Variants in ABCG1 observed in about 807,000 individuals in gnomAD.
ABCG1 encodes the protein ATP-binding cassette sub-family G member 1.
Under a neutral mutation model 69.2 loss-of-function variants are expected in ABCG1, and 29 were observed. The observed-to-expected ratio is 0.42, with a 90% confidence interval of 0.31 to 0.57. ABCG1 has a LOEUF of 0.57. ABCG1 is among the 20% of genes least tolerant of loss of function. The probability of loss-of-function intolerance (pLI) is 0.15; values close to 1 mark genes in which losing one functional copy is unlikely to be tolerated. For missense variants in ABCG1, 718 were observed against 898.1 expected (o/e 0.80, Z 2.56); for synonymous variants, 370 against 374.8 (o/e 0.99, Z 0.15).
chr21:42,200,507 G>A (rs537266394), intron 1 of ABCG1, among the ~76,000 whole-genome samples: 1 of 152,164 alleles, frequency 6.6e-6, no homozygotes, highest in Non-Finnish European at 1.5e-5. Flanking sequence ...ACCAAGGACT[G>A]GTTTCACAGA....
chr21:42,218,059 C>T (rs961144763), upstream of ABCG1, among the ~76,000 whole-genome samples: 5 of 152,078 alleles, frequency 3.3e-5, no homozygotes, highest in African/African-American at 4.8e-5. Context: ...TCGATTTGAG[C>T]GGCTGAATTT....
intron 2 of ABCG1, among the ~76,000 whole-genome samples, chr21:42,247,503 A>G (rs1004560041): frequency 2.6e-5 from 4 of 152,200 alleles, no homozygotes; most frequent in Non-Finnish European, 4.4e-5. Flanking sequence ...ACGGGAGAGT[A>G]TGGTGATGGG....
intron 6 of ABCG1, among the ~76,000 whole-genome samples, chr21:42,284,278 A>T (rs1205281808): frequency 6.6e-6 from 1 of 150,780 alleles, no homozygotes; most frequent in Admixed American, 6.6e-5. Context: ...TGCCCAGATG[A>T]GTGGGGACCC....
At chr21:42,286,633 G>A (rs1256305638) in intron 8 of ABCG1, among the ~76,000 whole-genome samples, 1 of 152,192 alleles carries the variant, frequency 6.6e-6, no homozygotes, top group East Asian at 1.9e-4. Flanking sequence ...TCGCTCACAA[G>A]GAAGAGTAAC....
intron 2 of ABCG1, among the ~76,000 whole-genome samples, chr21:42,237,063 T>C (rs2123577587): frequency 6.6e-6 from 1 of 152,324 alleles, no homozygotes; most frequent in South Asian, 2.1e-4. Flanking sequence ...CCTTCAGTTG[T>C]CATAAATGTG....
At chr21:42,224,616 T>G (rs1328645221) in intron 1 of ABCG1, among the ~76,000 whole-genome samples, 2 of 152,216 alleles carry the variant, frequency 1.3e-5, no homozygotes, top group South Asian at 2.1e-4. Flanking sequence ...TTTGATTTCA[T>G]GAAGGACTTC....
rs191945538 is a variant in ABCG1, at chr21:42,248,925, G to A, written c.287-22145G>A. On this transcript the variant is annotated intron_variant, in intron 2 of 14. Transcript: ENST00000398449. ...CTCAAAAAAAAAAAAAAAAAAGAGCGAATAAACAAACTGTGATGGGTCCAC... is the reference window on the plus strand; with the variant it reads ...CTCAAAAAAAAAAAAAAAAAAGAGCAAATAAACAAACTGTGATGGGTCCAC... Among the ~76,000 whole-genome samples, 29 of 148,064 alleles carry A rather than the reference G, an allele frequency of 2.0e-4. No homozygotes were observed. The South Asian group carries it at 2.4e-3, about 12-fold the overall frequency.
chr21:42,222,176 A>T (rs559934395), intron 1 of ABCG1, among the ~76,000 whole-genome samples: 1 of 152,290 alleles, frequency 6.6e-6, no homozygotes, highest in Non-Finnish European at 1.5e-5. Context: ...TGAAGAGAGA[A>T]GATGCATGTG....
chr21:42,291,561 G>A lies in ABCG1; in HGVS notation c.1558G>A (p.Val520Met), dbSNP rs748557431. The A allele has an allele frequency of 1.3e-5, 21 of 1,613,406 alleles. No homozygotes were observed. The highest frequency in any genetic ancestry group is 1.7e-4 in the Middle Eastern group (1 of 6,058). The change falls in exon 13 of 15, where the codon GTG (valine) becomes ATG (methionine). Residue 520 changes from valine to methionine, a missense_variant. Val to Met is a conservative substitution (Grantham distance 21, BLOSUM62 1). Transcript: ENST00000398449. The surrounding 1 kb of genome is among the most constrained non-coding windows in gnomAD (Gnocchi z 6.4). Reference protein sequence around the residue: ...YWMTSQPSDAVRFVLFAALGT... With the variant: ...YWMTSQPSDAMRFVLFAALGT... ...GATGACGTCGCAGCCGTCCGACGCC[G>A]TGCGCTTTGTGCTGTTTGCCGCGCT...
chr21:42,203,065 C>T (rs945448924), intron 2 of ABCG1, among the ~76,000 whole-genome samples: 9 of 152,118 alleles, frequency 5.9e-5, no homozygotes, highest in South Asian at 2.1e-4. Context: ...TTCCAGCAAG[C>T]GCTGCTGATG....
rs2069227415 is a variant in ABCG1, at chr21:42,297,147, C to T, written c.*755C>T. 1 of 152,168 alleles carries T rather than the reference C, an allele frequency of 6.6e-6. No individual in the cohort carries two copies. Among genetic ancestry groups the T allele is most frequent in the African/African-American group, 2.4e-5 (1 of 41,430 alleles). The allele number at this position is 152,168 out of a possible 1,614,324, so 9.4% of individuals were successfully genotyped here. On this transcript the variant is annotated 3_prime_UTR_variant, in exon 15 of 15. Coordinates refer to ENST00000398449, the MANE Select transcript of ABCG1 (RefSeq NM_016818.3). ...CATGCAGACATTTTTAAAAGCTATA[C>T]AAAAAATTGTGAGAAGACATTGGCC...
At chr21:42,261,116 C>T (rs1047340804) in intron 2 of ABCG1, among the ~76,000 whole-genome samples, 11 of 152,110 alleles carry the variant, frequency 7.2e-5, no homozygotes, top group African/African-American at 9.7e-5. Context: ...TCACCGTACC[C>T]GGCCCCTCTC....
At chr21:42,261,682 G>C (rs934150587) in intron 2 of ABCG1, among the ~76,000 whole-genome samples, 1 of 152,238 alleles carries the variant, frequency 6.6e-6, no homozygotes, top group Non-Finnish European at 1.5e-5. Context: ...AAGCTGGCGG[G>C]TGAGTGAACA....
chr21:42,267,996 G>T (rs1601417258), intron 2 of ABCG1, among the ~76,000 whole-genome samples: 1 of 152,284 alleles, frequency 6.6e-6, no homozygotes, highest in East Asian at 1.9e-4. Flanking sequence ...TCTGGCCTGG[G>T]TTGTGTCTAA....
At chr21:42,210,267 C>T (rs2067575881) in intron 2 of ABCG1, among the ~76,000 whole-genome samples, 1 of 152,076 alleles carries the variant, frequency 6.6e-6, no homozygotes, top group South Asian at 2.1e-4. Flanking sequence ...CTGGGAGGCT[C>T]CAGGTGGGGG....
At chr21:42,244,009 C>T (rs1377701418) in intron 2 of ABCG1, among the ~76,000 whole-genome samples, 1 of 151,812 alleles carries the variant, frequency 6.6e-6, no homozygotes, top group Non-Finnish European at 1.5e-5. Context: ...TTAGTAAAGA[C>T]GGGGTTTCAC....
Position 42,219,846 on chromosome 21 carries a change from A to C in ABCG1, c.42+542A>C. On this transcript the variant is annotated intron_variant, in intron 1 of 14. Coordinates refer to ENST00000398449, the MANE Select transcript of ABCG1 (RefSeq NM_016818.3). This position sits in a 1 kb window ranked among gnomAD's most constrained non-coding sequence, Gnocchi z 5.3. The stretch of plus-strand genomic sequence containing the variant: ...AGCCTGCGACTGCACTCCCGGGGAC[A>C]CCCTCTCCCGGACCCACTCGGGGAG... 1 of 1,504,084 alleles carries C rather than the reference A, an allele frequency of 6.6e-7. No individual in the cohort carries two copies. The highest frequency in any genetic ancestry group is 8.9e-7 in the Non-Finnish European group (1 of 1,128,042). The allele number at this position is 1,504,084 out of a possible 1,614,324, so 93.2% of individuals were successfully genotyped here. A position where few individuals can be genotyped will look rare whatever the true frequency, so the allele number is the denominator to read the frequency against.
At chr21:42,284,293 C>T (rs974610295) in intron 6 of ABCG1, among the ~76,000 whole-genome samples, 1 of 151,162 alleles carries the variant, frequency 6.6e-6, no homozygotes, top group African/African-American at 2.5e-5. Flanking sequence ...GGACCCCCCC[C>T]CAGTCCTGGA....
intron 2 of ABCG1, among the ~76,000 whole-genome samples, chr21:42,237,096 A>T (rs1019635823): frequency 6.6e-6 from 1 of 152,182 alleles, no homozygotes; most frequent in Middle Eastern, 3.2e-3. Flanking sequence ...GCCCAAACCC[A>T]GCAGCCTTTC....
Sources: gnomAD v4.1 joint callset for allele counts (sites outside exome capture counted in the v4.1 genomes callset) on GRCh38, gnomAD v4.1.1 for gene constraint, Gnocchi (gnomAD v3.1) non-coding constraint, MANE v1.5 for transcripts, NCBI Gene and HGNC (gene_info 2026-07-23, HGNC 2026-07-21) for gene names.